GRM8: variants seen among roughly 807,000 people sequenced by gnomAD.
The protein encoded by GRM8 is metabotropic glutamate receptor 8.
A neutral mutation model predicts 87.2 loss-of-function variants in GRM8; 47 were observed. The observed-to-expected ratio is 0.54, with a 90% CI of 0.43 to 0.69. GRM8 has a LOEUF of 0.69. Ranked by LOEUF, GRM8 falls within the 30% of genes least tolerant of loss-of-function variation. The pLI, the probability that GRM8 is intolerant of heterozygous loss-of-function variation, is 0.00. For synonymous variants in GRM8, 396 were observed against 404.5 expected, an observed-to-expected ratio of 0.98 and a Z score of 0.25; for missense variants, 1,019 against 1,139.2, an observed-to-expected ratio of 0.89 and a Z score of 1.52.
chr7:126,771,614 A>C (rs553714138), intron 6 of GRM8, among the ~76,000 whole-genome samples: 1 of 152,218 alleles, frequency 6.6e-6, no homozygotes, highest in African/African-American at 2.4e-5. Flanking sequence ...AATTTATAAT[A>C]ATCAGTTTAC....
chr7:126,809,275 C>T (rs747202286), intron 6 of GRM8, among the ~76,000 whole-genome samples: 3 of 152,074 alleles, frequency 2.0e-5, no homozygotes, highest in Non-Finnish European at 4.4e-5. Flanking sequence ...CAAACTGAAC[C>T]CCCTTGACAT....
At chr7:126,883,903 T>A (rs745582256) in intron 6 of GRM8, among the ~76,000 whole-genome samples, 2 of 152,168 alleles carry the variant, frequency 1.3e-5, no homozygotes, top group Admixed American at 6.6e-5. Flanking sequence ...TAGACATTTT[T>A]AAGCACATTT....
chr7:126,638,216 T>A (rs1221297374), intron 7 of GRM8, among the ~76,000 whole-genome samples: 2 of 152,166 alleles, frequency 1.3e-5, no homozygotes, highest in African/African-American at 4.8e-5. Flanking sequence ...TACCACTGAT[T>A]AATTTTAATA....
At chr7:126,897,269 A>G (rs928825688) in intron 6 of GRM8, among the ~76,000 whole-genome samples, 2 of 152,192 alleles carry the variant, frequency 1.3e-5, no homozygotes, top group Non-Finnish European at 2.9e-5. Flanking sequence ...TATAGAAGAC[A>G]AGAAATCAGA....
At chr7:127,226,262 A>G (rs1231799274) in intron 2 of GRM8, among the ~76,000 whole-genome samples, 1 of 152,194 alleles carries the variant, frequency 6.6e-6, no homozygotes, top group East Asian at 1.9e-4. Context: ...AGCCCATGAT[A>G]TAACAAAGAG....
chr7:126,475,484 A>C (rs533231610), intron 9 of GRM8, among the ~76,000 whole-genome samples: 12 of 152,262 alleles, frequency 7.9e-5, no homozygotes, highest in Non-Finnish European at 1.5e-4. Context: ...AAAAGTTGAA[A>C]GAGAGTCCAT....
chr7:126,981,448 GTGGAC>G (rs1262220338), intron 3 of GRM8: 1 of 152,124 alleles, frequency 6.6e-6, no homozygotes, highest in African/African-American at 2.4e-5. Flanking sequence ...ACCATATCTG[GTGGAC>G]ACTCTCTACA....
At chr7:126,531,093 T>A (rs1814748441) in intron 9 of GRM8, among the ~76,000 whole-genome samples, 1 of 152,196 alleles carries the variant, frequency 6.6e-6, no homozygotes, top group South Asian at 2.1e-4. Flanking sequence ...GTAGCAAATT[T>A]TCAGATGTAG....
intron 7 of GRM8, among the ~76,000 whole-genome samples, chr7:126,647,598 T>C (rs1417180967): frequency 6.6e-6 from 1 of 152,060 alleles, no homozygotes; most frequent in Non-Finnish European, 1.5e-5. Flanking sequence ...CTCCCTCTCC[T>C]CCATTCCAAA....
intron 6 of GRM8, among the ~76,000 whole-genome samples, chr7:126,779,015 G>C (rs1819776597): frequency 2.0e-5 from 3 of 151,992 alleles, no homozygotes; most frequent in Non-Finnish European, 4.4e-5. Flanking sequence ...ACATTAAAGT[G>C]ATATACTCTT....
intron 7 of GRM8, among the ~76,000 whole-genome samples, chr7:126,736,836 C>G (rs10487457): frequency 0.33 from 49,395 of 151,846 alleles, 8,653 homozygotes; most frequent in Non-Finnish European, 0.38. Flanking sequence ...TCTCCACTTA[C>G]TACCATTTCA....
chr7:126,913,919 A>G (rs1391567915), intron 3 of GRM8, among the ~76,000 whole-genome samples: 2 of 152,264 alleles, frequency 1.3e-5, no homozygotes, highest in Non-Finnish European at 2.9e-5. Context: ...GGATTAAAAG[A>G]GCAAAACTGC....
intron 3 of GRM8, among the ~76,000 whole-genome samples, chr7:127,057,691 T>C (rs951111): frequency 0.28 from 43,112 of 151,958 alleles, 6,962 homozygotes; most frequent in African/African-American, 0.45. Context: ...TATAAATCAT[T>C]TTACCTGGCA....
intron 6 of GRM8, among the ~76,000 whole-genome samples, chr7:126,817,136 C>A (rs1183803834): frequency 6.6e-6 from 1 of 151,700 alleles, no homozygotes; most frequent in African/African-American, 2.4e-5. Context: ...GGCTCCTTTT[C>A]TTCATTTCTA....
At chr7:127,130,944 C>A (rs554920935) in intron 2 of GRM8, among the ~76,000 whole-genome samples, 1 of 152,200 alleles carries the variant, frequency 6.6e-6, no homozygotes, top group South Asian at 2.1e-4. Context: ...TCAATTAAAC[C>A]TTTCTTTATA....
At chr7:126,602,144 T>C (rs1236569943) in intron 8 of GRM8, among the ~76,000 whole-genome samples, 1 of 144,172 alleles carries the variant, frequency 6.9e-6, no homozygotes, top group African/African-American at 2.5e-5. Flanking sequence ...TTGAGCTTTC[T>C]ACATATGGCT....
intron 8 of GRM8, among the ~76,000 whole-genome samples, chr7:126,570,307 G>A (rs768727118): frequency 8.5e-5 from 13 of 152,158 alleles, no homozygotes; most frequent in Admixed American, 4.6e-4. Flanking sequence ...GTAGAACAGT[G>A]TTGGATGAAA....
intron 2 of GRM8, among the ~76,000 whole-genome samples, chr7:127,110,082 C>T (rs1284004196): frequency 6.6e-6 from 1 of 152,198 alleles, no homozygotes; most frequent in African/African-American, 2.4e-5. Context: ...TAACCCCTCA[C>T]CCACAGCTAA....
intron 3 of GRM8, among the ~76,000 whole-genome samples, chr7:126,927,532 C>A (rs1162919719): frequency 6.6e-6 from 1 of 152,010 alleles, no homozygotes; most frequent in East Asian, 1.9e-4. Flanking sequence ...AAGAAAAAAA[C>A]AACCCCATCA....
Sources: allele counts gnomAD v4.1 joint callset (sites outside exome capture counted in the v4.1 genomes callset), GRCh38; gene constraint gnomAD v4.1.1; transcripts MANE v1.5; gene names NCBI Gene and HGNC (gene_info 2026-07-23, HGNC 2026-07-21).